Variants in PCF11 observed in about 807,000 individuals in gnomAD.
PCF11 encodes pre-mRNA cleavage complex 2 protein Pcf11.
A neutral mutation model predicts 166.1 loss-of-function variants in PCF11; 19 were observed. The ratio of observed to expected loss-of-function variants is 0.11; its 90% confidence interval spans 0.08 to 0.17. The LOEUF (loss-of-function observed/expected upper bound fraction) is 0.17. Ranked by LOEUF, PCF11 falls within the 10% of genes least tolerant of loss-of-function variation. PCF11 has a pLI of 1.00. For synonymous variants in PCF11, 663 were observed against 644.1 expected (o/e 1.03, Z -0.44); for missense variants, 1,565 against 1,855.5 (o/e 0.84, Z 2.88).
At chr11:83,177,900 C>T (rs1860942272) in intron 11 of PCF11, 81 bp downstream of exon 11, 8 of 502,812 alleles carry the variant, frequency 1.6e-5, no homozygotes, top group Non-Finnish European at 2.8e-5. Flanking sequence ...ACTATTAGTG[C>T]TTTCCCTTTC....
chr11:83,185,356 G>C (rs1170736288), exon 16 of PCF11: 3 of 153,150 alleles, frequency 2.0e-5, no homozygotes, highest in African/African-American at 7.3e-5. Flanking sequence ...TCCTTCAAAA[G>C]GGGGTTCCGA....
chr11:83,185,703 A>G (rs1389020421), exon 16 of PCF11: 1 of 152,616 alleles, frequency 6.6e-6, no homozygotes, highest in Non-Finnish European at 1.5e-5. Context: ...TGCTTGAGAT[A>G]TGGTTAACTT....
At chr11:83,173,131 A>T (rs1860743480) in intron 9 of PCF11, among the ~76,000 whole-genome samples, 1 of 152,212 alleles carries the variant, frequency 6.6e-6, no homozygotes, top group Non-Finnish European at 1.5e-5. Context: ...TTAAGCAAGT[A>T]TCTCCCCTGA....
intron 1 of PCF11, chr11:83,157,977 C>A (rs1393815009): frequency 1.4e-5 from 3 of 214,236 alleles, no homozygotes; most frequent in African/African-American, 4.6e-5. Flanking sequence ...TTAACATAAG[C>A]CATTTTAATT....
At chr11:83,162,461 A>G (rs1011214574) in intron 2 of PCF11, among the ~76,000 whole-genome samples, 1 of 152,266 alleles carries the variant, frequency 6.6e-6, no homozygotes, top group Admixed American at 6.5e-5. Context: ...ATATAGCATT[A>G]AAATGCTTGT....
chr11:83,160,888 T>C (rs1431937113), intron 1 of PCF11, among the ~76,000 whole-genome samples: 4 of 152,202 alleles, frequency 2.6e-5, no homozygotes, highest in Non-Finnish European at 4.4e-5. Context: ...CTTGAACATA[T>C]AAAATATGCC....
chr11:83,168,320 C>T (rs1301354163), intron 7 of PCF11, 108 bp from the exon 8 acceptor site: 1 of 1,074,628 alleles, frequency 9.3e-7, no homozygotes, highest in Non-Finnish European at 1.3e-6. Flanking sequence ...TCGGTCTCTC[C>T]TGCCCCTCTA....
chr11:83,177,053 G>A lies in PCF11; in HGVS notation c.3758-32G>A, dbSNP rs1052844003. On this transcript the variant is annotated intron_variant, in intron 9 of 15. Coordinates refer to ENST00000298281, the Ensembl canonical transcript of PCF11. ...TAAGTTCTACATTCACTTCAAAAGT[G>A]GTTTTTTTTCTTTCTTTCTTTTTTT... The A allele has an allele frequency of 9.2e-6, 13 of 1,416,606 alleles. No individual in the cohort carries two copies. In the Admixed American group the frequency reaches 1.6e-4, roughly 18 times the overall value. The allele number at this position is 1,416,606 out of a possible 1,614,324, so 87.8% of individuals were successfully genotyped here. A position where few individuals can be genotyped will look rare whatever the true frequency, so the allele number is the denominator to read the frequency against.
rs1287413002 is a variant in PCF11, at chr11:83,167,286, G to A, written c.1979G>A (p.Ser660Asn). The change falls in exon 6 of 16, where the codon AGC (serine) becomes AAC (asparagine). Residue 660 changes from serine (S) to asparagine (N), a missense_variant. This residue lies in a region of PCF11 where 26 missense variants were observed against 63.3 expected (regional missense o/e 0.41). Transcript: ENST00000298281. The surrounding 1 kb of genome is among the most constrained non-coding windows in gnomAD (Gnocchi z 4.2). ...ATTCCTAAAGAGTTAACTCTTGCAA[G>A]CAAAAGAGAATTACTTCAAAAGGTA... is the stretch of plus-strand genomic sequence containing the variant. 1.2e-6 allele frequency: 2 copies of A among 1,612,648 alleles called. No individual in the cohort carries two copies. Among genetic ancestry groups the A allele is most frequent in the Non-Finnish European group, 1.7e-6 (2 of 1,179,048 alleles).
Position 83,167,597 on chromosome 11 carries a change from C to T in PCF11, c.2092+92C>T. 1 of 1,544,768 alleles carries T rather than the reference C, an allele frequency of 6.5e-7. No individual in the cohort carries two copies. The highest frequency in any genetic ancestry group is 8.7e-7 in the Non-Finnish European group (1 of 1,145,960). On this transcript the variant is annotated intron_variant, in intron 7 of 15. Coordinates refer to ENST00000298281, the Ensembl canonical transcript of PCF11. The surrounding 1 kb of genome is among the most constrained non-coding windows in gnomAD (Gnocchi z 4.2). ...CTCTCTTATCTGATGCTGAATTAACCTACTATGAACATAAAGCAAAACTGA... is the reference window on the plus strand; with the variant it reads ...CTCTCTTATCTGATGCTGAATTAACTTACTATGAACATAAAGCAAAACTGA...
intron 1 of PCF11, 147 bp from the exon 2 acceptor site, chr11:83,161,180 T>C (rs1026444835): frequency 3.3e-6 from 2 of 606,126 alleles, no homozygotes; most frequent in Non-Finnish European, 5.4e-6. Flanking sequence ...AGAGCTTGAT[T>C]GAACACTTAA....
At chr11:83,176,968 T>C (rs1269418424) in intron 9 of PCF11, 117 bp from the exon 10 acceptor site, 1 of 584,670 alleles carries the variant, frequency 1.7e-6, no homozygotes, top group Non-Finnish European at 2.6e-6. Context: ...TTGTCAAATT[T>C]ACTGTTGGCA....
exon 12 of PCF11, chr11:83,181,035 G>C (rs1413100089): frequency 6.3e-7 from 1 of 1,586,306 alleles, no homozygotes; most frequent in East Asian, 2.2e-5. Flanking sequence ...TAAATCGACT[G>C]TACACTGGTA....
chr11:83,163,866 C>T (rs1388167900), exon 3 of PCF11: 12 of 1,438,736 alleles, frequency 8.3e-6, no homozygotes, highest in South Asian at 2.7e-5. Context: ...TTAAATAAAT[C>T]GGTAAGTTTT....
Position 83,166,366 on chromosome 11 carries a change from C to T in PCF11, c.1469C>T (p.Pro490Leu), listed in dbSNP as rs376092783. The T allele has an allele frequency of 7.4e-6, 12 of 1,613,780 alleles. No homozygotes were observed. The African/African-American group carries it at 1.6e-4, about 22-fold the overall frequency. ...TCTCGATCACCCAAGTCTAGGTCAC[C>T]AATTATACATTCCCCAAAGAGAAGA... The change falls in exon 5 of 16, where the codon CCA (proline) becomes CTA (leucine). Residue 490 changes from proline (P) to leucine (L), a missense_variant. By Grantham distance (98) the Pro-to-Leu change is moderately conservative. Around this residue, in one of 12 missense-constraint regions of PCF11, gnomAD observed 468 missense variants for 483.4 expected, o/e 0.97. Coordinates refer to ENST00000298281, the Ensembl canonical transcript of PCF11.
At chr11:83,169,714 G>C (rs1860612928) in exon 8 of PCF11, 1 of 1,613,784 alleles carries the variant, frequency 6.2e-7, no homozygotes, top group South Asian at 1.1e-5. Flanking sequence ...GCTTGAATCA[G>C]TATCTTTCAA....
At chr11:83,178,591 C>T (rs529903007) in intron 11 of PCF11, among the ~76,000 whole-genome samples, 97 of 151,796 alleles carry the variant, frequency 6.4e-4, no homozygotes, top group Admixed American at 2.1e-3. Context: ...GTCAGGAGAT[C>T]GAGACCATCC....
chr11:83,169,265 G>A, exon 8 of PCF11: 3 of 1,612,306 alleles, frequency 1.9e-6, no homozygotes, highest in Non-Finnish European at 1.7e-6. Flanking sequence ...AATCAACTTG[G>A]TGGGAACCTT....
exon 16 of PCF11, chr11:83,186,801 G>T (rs1364869645): frequency 6.6e-6 from 1 of 152,142 alleles, no homozygotes; most frequent in Non-Finnish European, 1.5e-5. Flanking sequence ...AGGAACTGAG[G>T]TCTGTGAATC....
Sources: gnomAD v4.1 joint callset for allele counts (sites outside exome capture counted in the v4.1 genomes callset) on GRCh38, gnomAD v4.1.1 for gene constraint, gnomAD v4.1.1 regional missense constraint, Gnocchi (gnomAD v3.1) non-coding constraint, MANE v1.5 for transcripts, NCBI Gene and HGNC (gene_info 2026-07-23, HGNC 2026-07-21) for gene names.